Variants in CAPZB observed in about 807,000 individuals in gnomAD.
CAPZB encodes the protein F-actin-capping protein subunit beta.
A neutral mutation model predicts 38.1 loss-of-function variants in CAPZB; 2 were observed. That is an observed-to-expected ratio of 0.05 (90% CI 0.02 to 0.17). CAPZB has a LOEUF of 0.17. Ranked by LOEUF, CAPZB falls within the 10% of genes least tolerant of loss-of-function variation. The probability of loss-of-function intolerance (pLI) is 1.00; values close to 1 mark genes in which losing one functional copy is unlikely to be tolerated. For missense variants in CAPZB, 161 were observed against 334.2 expected, an observed-to-expected ratio of 0.48 and a Z score of 4.04; for synonymous variants, 107 against 127.4, an observed-to-expected ratio of 0.84 and a Z score of 1.08.
chr1:19,391,801 G>GT (rs1350591582), intron 2 of CAPZB, among the ~76,000 whole-genome samples: 33 of 152,208 alleles, frequency 2.2e-4, no homozygotes, highest in East Asian at 9.6e-4. Context: ...CTCCAGGCCC[G>GT]TGTCAGGTGC....
At chr1:19,462,597 T>C (rs947748750) in intron 1 of CAPZB, among the ~76,000 whole-genome samples, 3 of 152,308 alleles carry the variant, frequency 2.0e-5, no homozygotes, top group Middle Eastern at 3.4e-3. Context: ...GTTTAAAAAA[T>C]AGTAGGCACG....
chr1:19,385,080 G>GTT (rs1399433295), intron 3 of CAPZB, among the ~76,000 whole-genome samples: 1 of 152,204 alleles, frequency 6.6e-6, no homozygotes, highest in African/African-American at 2.4e-5. Context: ...ACAGAGCTGC[G>GTT]TTCGTAGATC....
At chr1:19,415,799 A>G (rs2094376409) in intron 2 of CAPZB, among the ~76,000 whole-genome samples, 1 of 152,230 alleles carries the variant, frequency 6.6e-6, no homozygotes, top group Non-Finnish European at 1.5e-5. Context: ...TTGGCCTCCC[A>G]AAGTGCTGGG....
At chr1:19,454,289 G>C (rs1209355734) in intron 1 of CAPZB, among the ~76,000 whole-genome samples, 4 of 152,166 alleles carry the variant, frequency 2.6e-5, no homozygotes, top group African/African-American at 7.2e-5. Flanking sequence ...CCCTCAGGTG[G>C]GCTGAAGAAT....
intron 4 of CAPZB, among the ~76,000 whole-genome samples, chr1:19,365,406 G>C (rs1353794187): frequency 6.6e-6 from 1 of 152,240 alleles, no homozygotes; most frequent in Admixed American, 6.5e-5. Flanking sequence ...GGATGTCACT[G>C]AGTTCCAGAT....
At position 19,342,813 on chromosome 1, in the gene CAPZB, C is replaced by A. The variant is rs771797505; in HGVS notation, c.731+1545G>T. 5.0e-6 allele frequency: 8 copies of A among 1,612,496 alleles called. No individual in the cohort carries two copies. The South Asian group carries it at 8.8e-5, about 18-fold the overall frequency. On this transcript the variant is annotated intron_variant, in intron 8 of 8. Transcript: ENST00000264202. ...GGCGCTGGGTCAGCACTTGAGAGAGCTCCCTCTGCAACTGCTTAAACTTTT... is the reference window on the plus strand; with the variant it reads ...GGCGCTGGGTCAGCACTTGAGAGAGATCCCTCTGCAACTGCTTAAACTTTT...
intron 1 of CAPZB, among the ~76,000 whole-genome samples, chr1:19,447,272 C>CTTTTTT (rs35692222): frequency 3.1e-4 from 23 of 74,888 alleles, no homozygotes; most frequent in African/African-American, 3.2e-4. Flanking sequence ...CAGACCTAAT[C>CTTTTTT]TTTTTTTTTT....
intron 6 of CAPZB, among the ~76,000 whole-genome samples, chr1:19,349,511 A>G (rs796205833): frequency 2.6e-5 from 4 of 152,302 alleles, no homozygotes; most frequent in African/African-American, 9.6e-5. Context: ...CCATCGGCAA[A>G]GGTCCTGGGT....
chr1:19,382,119 C>T (rs552446742), intron 3 of CAPZB, among the ~76,000 whole-genome samples: 1 of 152,254 alleles, frequency 6.6e-6, no homozygotes, highest in South Asian at 2.1e-4. Flanking sequence ...CATTTCAAGG[C>T]ACCCTGATTA....
intron 1 of CAPZB, chr1:19,484,077 G>T: frequency 8.9e-7 from 1 of 1,120,406 alleles, no homozygotes; most frequent in Non-Finnish European, 1.3e-6. Context: ...AGGTCTATCT[G>T]TGGGGGCCTA....
At chr1:19,478,930 C>G (rs544529679) in intron 1 of CAPZB, among the ~76,000 whole-genome samples, 17 of 152,312 alleles carry the variant, frequency 1.1e-4, no homozygotes, top group African/African-American at 4.1e-4. Context: ...TAGCTCCTGG[C>G]CAAGTACAGT....
chr1:19,408,997 G>A (rs554945266), intron 2 of CAPZB, among the ~76,000 whole-genome samples: 1 of 152,198 alleles, frequency 6.6e-6, no homozygotes, highest in Admixed American at 6.5e-5. Context: ...AAAATAAAAG[G>A]TTTGGCTAAT....
chr1:19,382,088 AGACCC>A (rs776556317), intron 3 of CAPZB, among the ~76,000 whole-genome samples: 111 of 152,248 alleles, frequency 7.3e-4, no homozygotes, highest in Non-Finnish European at 1.3e-3. Context: ...TAGGCTGGGA[AGACCC>A]GACCCAAGTG....
chr1:19,421,857 G>A (rs2094402424), intron 1 of CAPZB, among the ~76,000 whole-genome samples: 1 of 152,184 alleles, frequency 6.6e-6, no homozygotes, highest in Admixed American at 6.5e-5. Context: ...ATACACAGTA[G>A]TATGTGTTTA....
chr1:19,477,398 T>C lies in CAPZB; in HGVS notation c.3+8038A>G, dbSNP rs140198776. Among the ~76,000 whole-genome samples, 281 of 152,328 alleles carry C rather than the reference T, an allele frequency of 1.8e-3. 2 individuals carry two copies. Among genetic ancestry groups the C allele is most frequent in the African/African-American group, 5.8e-3 (243 of 41,558 alleles). The stretch of plus-strand genomic sequence containing the variant: ...ACTGAGGACATGACAACAGCTCACA[T>C]TGGAAATTCTCAGCAGAGGAACTAA... On this transcript the variant is annotated intron_variant, in intron 1 of 8. Coordinates refer to ENST00000264202, the MANE Select transcript of CAPZB (RefSeq NM_004930.5).
rs565049543 is a variant in CAPZB at position 19,484,122 on chromosome 1, C to T, written c.3+1314G>A. 2.0e-6 allele frequency: 3 copies of T among 1,525,794 alleles called. No homozygotes were observed. The African/African-American group carries it at 4.1e-5, about 21-fold the overall frequency. 94.5% of individuals were successfully genotyped at this position (1,525,794 alleles called of 1,614,324 possible). ...CCAGGTTCCTCAAAAGTCTGGATAG[C>T]ATCTGCCTTCTTTACCAAAACAAAC... On this transcript the variant is annotated intron_variant, in intron 1 of 8. Coordinates refer to ENST00000264202, the MANE Select transcript of CAPZB (RefSeq NM_004930.5).
At chr1:19,420,052 C>A (rs1015148250) in intron 1 of CAPZB, 5 of 332,064 alleles carry the variant, frequency 1.5e-5, no homozygotes, top group Non-Finnish European at 2.8e-5. Flanking sequence ...CTCAACAGGC[C>A]CTGGTGGCTG....
intron 2 of CAPZB, among the ~76,000 whole-genome samples, chr1:19,389,429 G>T (rs2094220376): frequency 2.0e-5 from 3 of 150,286 alleles, no homozygotes; most frequent in South Asian, 4.2e-4. Flanking sequence ...TGGGTCGTGT[G>T]TTTTTTTTTT....
intron 1 of CAPZB, among the ~76,000 whole-genome samples, chr1:19,436,325 G>C (rs2094458039): frequency 6.6e-6 from 1 of 152,146 alleles, no homozygotes; most frequent in African/African-American, 2.4e-5. Flanking sequence ...AGCCAGCTCG[G>C]TTCTCAGATC....
Sources: allele counts gnomAD v4.1 joint callset (sites outside exome capture counted in the v4.1 genomes callset), GRCh38; gene constraint gnomAD v4.1.1; transcripts MANE v1.5; gene names NCBI Gene and HGNC (gene_info 2026-07-23, HGNC 2026-07-21).